The following VPS53 variants were observed in gnomAD, a reference collection of about 807,000 sequenced individuals.
The protein encoded by VPS53 is VPS53 subunit of GARP complex, also known as vacuolar protein sorting-associated protein 53 homolog.
VPS53 carries 70 observed loss-of-function variants against 107.0 expected under a neutral mutation model. The ratio of observed to expected loss-of-function variants is 0.65; its 90% CI spans 0.54 to 0.80. The LOEUF (loss-of-function observed/expected upper bound fraction) is 0.80. Ranked by LOEUF, VPS53 falls within the 30% of genes least tolerant of loss-of-function variation. The pLI, the probability that VPS53 is intolerant of heterozygous loss-of-function variation, is 0.00. For synonymous variants in VPS53, 409 were observed against 393.3 expected (o/e 1.04, Z -0.47); for missense variants, 917 against 1,049.4 (o/e 0.87, Z 1.74).
chr17:697,081 C>G (rs923375300), intron 4 of VPS53, among the ~76,000 whole-genome samples: 1 of 152,130 alleles, frequency 6.6e-6, no homozygotes, highest in Admixed American at 6.5e-5. Context: ...ATATCAAAAC[C>G]CCAACAACTC....
intron 3 of VPS53, among the ~76,000 whole-genome samples, chr17:698,795 C>T (rs1348209974): frequency 2.0e-5 from 3 of 152,146 alleles, no homozygotes; most frequent in Non-Finnish European, 4.4e-5. Context: ...TAGACTCTAT[C>T]ACAGCTTCCT....
intron 13 of VPS53, among the ~76,000 whole-genome samples, chr17:571,557 T>A (rs1914079942): frequency 1.4e-5 from 2 of 142,878 alleles, no homozygotes; most frequent in African/African-American, 5.6e-5. Flanking sequence ...ACGGTCTCCC[T>A]CTCCCTCTCT....
At chr17:543,516 C>G (rs1009313555) in intron 17 of VPS53, among the ~76,000 whole-genome samples, 1 of 151,988 alleles carries the variant, frequency 6.6e-6, no homozygotes, top group Non-Finnish European at 1.5e-5. Context: ...GTGATGTGAG[C>G]AGCCCTAGGA....
intron 19 of VPS53, among the ~76,000 whole-genome samples, chr17:528,045 T>C (rs1435137388): frequency 1.3e-5 from 2 of 152,230 alleles, no homozygotes; most frequent in Non-Finnish European, 2.9e-5. Flanking sequence ...AGAAGCTTTA[T>C]TGCCTTATTT....
intron 4 of VPS53, among the ~76,000 whole-genome samples, chr17:662,747 GAAAGAGAA>G (rs918904883): frequency 5.5e-4 from 10 of 18,340 alleles, no homozygotes; most frequent in African/African-American, 8.9e-4. Flanking sequence ...GAGAGACAAA[GAAAGAGAA>G]AGAAAGAAAG....
intron 4 of VPS53, among the ~76,000 whole-genome samples, chr17:684,815 G>T (rs543802426): frequency 4.6e-5 from 7 of 151,796 alleles, no homozygotes; most frequent in Non-Finnish European, 8.8e-5. Context: ...ATTAAACCCC[G>T]TCCCTACTAA....
chr17:700,080 T>C (rs184575819), intron 2 of VPS53, among the ~76,000 whole-genome samples: 208 of 152,326 alleles, frequency 1.4e-3, no homozygotes, highest in African/African-American at 3.8e-3. Flanking sequence ...TACTCCTCTG[T>C]ATTATGTTAT....
intron 5 of VPS53, 148 bp from the exon 6 acceptor site, chr17:656,101 A>T (rs1299177539): frequency 4.9e-6 from 3 of 617,490 alleles, no homozygotes; most frequent in Non-Finnish European, 5.5e-6. Context: ...AAATAAAAAT[A>T]ATTTCCAACC....
intron 11 of VPS53, among the ~76,000 whole-genome samples, chr17:614,343 T>C (rs1420534878): frequency 6.6e-6 from 1 of 152,186 alleles, no homozygotes; most frequent in Non-Finnish European, 1.5e-5. Flanking sequence ...ATTTCAACCA[T>C]GTAAAATATA....
chr17:623,870 T>C (rs1035182421), intron 10 of VPS53, among the ~76,000 whole-genome samples, 196 bp from the exon 11 acceptor site: 1 of 152,152 alleles, frequency 6.6e-6, no homozygotes, highest in Non-Finnish European at 1.5e-5. Context: ...AAGGTGAAAT[T>C]ATCCACCAGG....
intron 6 of VPS53, among the ~76,000 whole-genome samples, chr17:653,983 C>A (rs1198591566): frequency 2.6e-5 from 4 of 152,212 alleles, no homozygotes; most frequent in Non-Finnish European, 5.9e-5. Context: ...ATCACGAAGT[C>A]ACGAGATCGA....
intron 4 of VPS53, among the ~76,000 whole-genome samples, chr17:684,514 T>C (rs1972513683): frequency 6.6e-6 from 1 of 152,160 alleles, no homozygotes; most frequent in Non-Finnish European, 1.5e-5. Context: ...AAGATCTATA[T>C]ACTAAAAACT....
chr17:657,121 C>T (rs1359532222), intron 5 of VPS53: 1 of 1,207,632 alleles, frequency 8.3e-7, no homozygotes, highest in Admixed American at 1.7e-5. Context: ...TGTCATTCAC[C>T]TTGATGAGGG....
intron 7 of VPS53, among the ~76,000 whole-genome samples, chr17:644,474 A>C (rs1416171792): frequency 6.6e-6 from 1 of 152,238 alleles, no homozygotes; most frequent in African/African-American, 2.4e-5. Flanking sequence ...GGATGCTAAA[A>C]ATAAGAAGTC....
intron 13 of VPS53, among the ~76,000 whole-genome samples, chr17:566,954 G>A (rs1002866513): frequency 2.6e-5 from 4 of 151,868 alleles, no homozygotes; most frequent in Non-Finnish European, 5.9e-5. Context: ...CACCATCTTG[G>A]CCAGGCTGGT....
intron 17 of VPS53, chr17:537,569 G>C (rs764601681): frequency 2.4e-5 from 4 of 164,258 alleles, no homozygotes; most frequent in African/African-American, 9.6e-5. Flanking sequence ...TGGGAGATGA[G>C]AGAGGTGGCT....
chr17:707,495 G>A (rs1973453913), intron 2 of VPS53, among the ~76,000 whole-genome samples: 1 of 148,310 alleles, frequency 6.7e-6, no homozygotes, highest in Non-Finnish European at 1.5e-5. Context: ...ACTCCAGCCT[G>A]GGGGACAAGA....
At chr17:627,970 C>T in intron 9 of VPS53, 118 bp downstream of exon 9, 1 of 1,064,034 alleles carries the variant, frequency 9.4e-7, no homozygotes, top group South Asian at 1.7e-5. Flanking sequence ...ACTCACAGCT[C>T]AACAACCAAC....
intron 7 of VPS53, among the ~76,000 whole-genome samples, chr17:636,581 G>A (rs973469947): frequency 2.0e-5 from 3 of 152,186 alleles, no homozygotes; most frequent in Admixed American, 6.5e-5. Context: ...ATTATTTTGA[G>A]ATAAGTCCCA....
Sources: allele counts gnomAD v4.1 joint callset (sites outside exome capture counted in the v4.1 genomes callset), GRCh38; gene constraint gnomAD v4.1.1; transcripts MANE v1.5; gene names NCBI Gene and HGNC (gene_info 2026-07-23, HGNC 2026-07-21).